GALNT13: variants seen among roughly 807,000 people sequenced by gnomAD.
The protein encoded by GALNT13 is polypeptide N-acetylgalactosaminyltransferase 13.
A neutral mutation model predicts 64.2 loss-of-function variants in GALNT13; 28 were observed. The observed-to-expected ratio is 0.44, with a 90% confidence interval of 0.32 to 0.60. The LOEUF (loss-of-function observed/expected upper bound fraction) is 0.60. Among genes scored for constraint, GALNT13 ranks in the 20% least tolerant of loss-of-function variants. The pLI is 0.05. For synonymous variants in GALNT13, 214 were observed against 224.6 expected (o/e 0.95, Z 0.42); for missense variants, 577 against 669.8 (o/e 0.86, Z 1.53).
At chr2:153,477,576 T>TC in the GALNT13 span, 1 of 84,830 alleles carries the variant, frequency 1.2e-5, no homozygotes, top group African/African-American at 4.6e-5. Flanking sequence ...AGGCTCCCCC[T>TC]CCCCCCACCC....
chr2:153,806,742 T>C, the GALNT13 span, among the ~76,000 whole-genome samples: 4 of 150,646 alleles, frequency 2.7e-5, no homozygotes, highest in Non-Finnish European at 4.4e-5. Flanking sequence ...ATAAAATCAG[T>C]AAACTTTAGA....
intron 1 of GALNT13, among the ~76,000 whole-genome samples, chr2:153,900,079 G>A (rs924313634): frequency 6.6e-6 from 1 of 151,462 alleles, no homozygotes; most frequent in Non-Finnish European, 1.5e-5. Context: ...GGGACTACAG[G>A]CACTCACTAC....
chr2:154,137,150 AAGAATT>A (rs57656068), intron 3 of GALNT13, among the ~76,000 whole-genome samples: 26,829 of 151,868 alleles, frequency 0.18, 4,320 homozygotes, highest in East Asian at 0.73. Flanking sequence ...ATGCTATTTG[AAGAATT>A]AGAAAAGTGT....
intron 4 of GALNT13, among the ~76,000 whole-genome samples, chr2:154,163,142 C>T (rs1298620877): frequency 9.2e-6 from 1 of 108,124 alleles, no homozygotes; most frequent in Non-Finnish European, 1.8e-5. Flanking sequence ...CTCCCCCCAC[C>T]CCACAACAGG....
chr2:153,600,258 T>C, the GALNT13 span, among the ~76,000 whole-genome samples: 1 of 152,012 alleles, frequency 6.6e-6, no homozygotes, highest in Non-Finnish European at 1.5e-5. Context: ...ATTTCTTATT[T>C]CATGCTATCC....
intron 8 of GALNT13, among the ~76,000 whole-genome samples, chr2:154,283,577 CAAAAAAA>C (rs5741595): frequency 7.6e-5 from 10 of 131,160 alleles, no homozygotes; most frequent in Non-Finnish European, 1.3e-4. Flanking sequence ...GACTCCGTCT[CAAAAAAA>C]AAAAAAAAAA....
chr2:154,176,257 T>G (rs1685645488), intron 4 of GALNT13, among the ~76,000 whole-genome samples: 1 of 146,050 alleles, frequency 6.8e-6, no homozygotes, highest in African/African-American at 2.5e-5. Context: ...ATTTATTTAT[T>G]TATTTATTTA....
the GALNT13 span, among the ~76,000 whole-genome samples, chr2:153,122,802 G>A: frequency 6.6e-6 from 1 of 152,136 alleles, no homozygotes; most frequent in African/African-American, 2.4e-5. Context: ...ACCCTGTTGT[G>A]TGTTTAATTA....
At chr2:154,097,691 G>GAA (rs35972896) in intron 3 of GALNT13, among the ~76,000 whole-genome samples, 95 of 150,688 alleles carry the variant, frequency 6.3e-4, no homozygotes, top group South Asian at 1.9e-3. Context: ...CCTTGGCTCA[G>GAA]AAAAAAAAAT....
intron 2 of GALNT13, among the ~76,000 whole-genome samples, chr2:153,925,344 T>A (rs1226628652): frequency 2.0e-5 from 3 of 152,130 alleles, no homozygotes; most frequent in Non-Finnish European, 2.9e-5. Flanking sequence ...TTCAGGTTTG[T>A]CAAAGATCAG....
At chr2:154,221,808 CTTGT>C (rs1387932384) in intron 4 of GALNT13, among the ~76,000 whole-genome samples, 1 of 152,038 alleles carries the variant, frequency 6.6e-6, no homozygotes, top group Non-Finnish European at 1.5e-5. Flanking sequence ...GAAAACATTA[CTTGT>C]TTATCTTATT....
At chr2:154,287,171 T>C (rs913627973) in intron 8 of GALNT13, 9 of 1,479,384 alleles carry the variant, frequency 6.1e-6, no homozygotes, top group African/African-American at 1.4e-5. Context: ...AGCCAAACAA[T>C]TGGCTCAGCA....
chr2:154,435,257 TAATG>T lies in GALNT13; in HGVS notation c.1396-3327_1396-3324del, dbSNP rs1559153187. Among the ~76,000 whole-genome samples, 10 of 152,318 alleles carry T rather than the reference TAATG, an allele frequency of 6.6e-5. No individual in the cohort carries two copies. The South Asian group carries it at 2.1e-3, about 32-fold the overall frequency. ...AAGAGAATGTACAATGAGATTTTAT[TAATG>T]AATGAATCAATCTTGTATCGTGTAG... On this transcript the variant is annotated intron_variant, in intron 11 of 12. Coordinates refer to ENST00000392825, the MANE Select transcript of GALNT13 (RefSeq NM_052917.4).
At chr2:153,455,376 C>T in the GALNT13 span, among the ~76,000 whole-genome samples, 41 of 152,320 alleles carry the variant, frequency 2.7e-4, no homozygotes, top group African/African-American at 9.4e-4. Context: ...CCAGGGGTGC[C>T]TCGTTTACTC....
At chr2:153,866,083 T>G in the GALNT13 span, among the ~76,000 whole-genome samples, 2 of 94,766 alleles carry the variant, frequency 2.1e-5, no homozygotes, top group South Asian at 4.8e-4. Context: ...ACACCGCATA[T>G]TCTCACTCAT....
At chr2:153,759,590 A>G in the GALNT13 span, among the ~76,000 whole-genome samples, 1 of 152,214 alleles carries the variant, frequency 6.6e-6, no homozygotes, top group Non-Finnish European at 1.5e-5. Flanking sequence ...TCATTCTATT[A>G]ATGAGGTATA....
chr2:153,728,195 C>G, the GALNT13 span, among the ~76,000 whole-genome samples: 1 of 152,148 alleles, frequency 6.6e-6, no homozygotes, highest in African/African-American at 2.4e-5. Context: ...GATACTGCTG[C>G]AATAAACATA....
chr2:154,153,553 G>A (rs1308195461), intron 4 of GALNT13, among the ~76,000 whole-genome samples: 1 of 152,204 alleles, frequency 6.6e-6, no homozygotes, highest in Admixed American at 6.5e-5. Context: ...ACAGAGGCAG[G>A]CAGGCCTCCT....
chr2:154,405,425 G>A (rs1699485746), intron 10 of GALNT13, among the ~76,000 whole-genome samples: 1 of 151,920 alleles, frequency 6.6e-6, no homozygotes, highest in Admixed American at 6.6e-5. Flanking sequence ...ATTTCCTAAA[G>A]AGAAAAACCA....
Sources: allele counts gnomAD v4.1 joint callset (sites outside exome capture counted in the v4.1 genomes callset), GRCh38; gene constraint gnomAD v4.1.1; transcripts MANE v1.5; gene names NCBI Gene and HGNC (gene_info 2026-07-23, HGNC 2026-07-21).